Variants in SPTA1 observed in about 807,000 individuals in gnomAD.
SPTA1 encodes spectrin alpha, erythrocytic 1.
Under a neutral mutation model 324.7 loss-of-function variants are expected in SPTA1, and 177 were observed. That is an observed-to-expected ratio of 0.55 (90% confidence interval 0.48 to 0.62). SPTA1 has a LOEUF of 0.62. SPTA1 is among the 20% of genes least tolerant of loss of function. The pLI is 0.00. For synonymous variants in SPTA1, 1,195 were observed against 1,041.3 expected (o/e 1.15, Z -2.84); for missense variants, 3,162 against 2,883.6 (o/e 1.10, Z -2.21).
chr1:158,641,219 T>C lies in SPTA1; in HGVS notation c.4737+1192A>G, dbSNP rs546823244. Among the ~76,000 whole-genome samples, 36 of 152,208 alleles carry C rather than the reference T, an allele frequency of 2.4e-4. No individual in the cohort carries two copies. In the South Asian group the frequency reaches 4.6e-3, roughly 19 times the overall value. The stretch of plus-strand genomic sequence containing the variant: ...ACCATAAAAACCCTAGAAGAAAACC[T>C]AGGCAATACCATTCAGGACATAGGC... On this transcript the variant is annotated intron_variant, in intron 33 of 51. Coordinates refer to ENST00000643759, the MANE Select transcript of SPTA1 (RefSeq NM_003126.4).
intron 30 of SPTA1, among the ~76,000 whole-genome samples, chr1:158,643,770 C>T (rs1307661355): frequency 6.6e-6 from 1 of 152,126 alleles, no homozygotes; most frequent in Non-Finnish European, 1.5e-5. Context: ...AGTCTGCTTG[C>T]TGCCTGTGAC....
intron 16 of SPTA1, among the ~76,000 whole-genome samples, chr1:158,663,380 A>G (rs1417580943): frequency 6.6e-6 from 1 of 152,200 alleles, no homozygotes; most frequent in African/African-American, 2.4e-5. Context: ...AGTTTGTTGC[A>G]TAGCAGAAAC....
At chr1:158,661,218 T>G (rs759037801) in intron 18 of SPTA1, 69 bp downstream of exon 18, 498 of 1,609,520 alleles carry the variant, frequency 3.1e-4, no homozygotes, top group Non-Finnish European at 4.0e-4. Flanking sequence ...AACCCTAGGA[T>G]AGTACAAACT....
intron 39 of SPTA1, among the ~76,000 whole-genome samples, chr1:158,632,960 A>G (rs1650788378): frequency 6.6e-6 from 1 of 152,192 alleles, no homozygotes; most frequent in Admixed American, 6.5e-5. Flanking sequence ...TTCGACTGTG[A>G]TATTCTTATA....
intron 25 of SPTA1, 122 bp downstream of exon 25, chr1:158,649,734 A>T (rs1362487992): frequency 8.7e-6 from 7 of 805,298 alleles, no homozygotes; most frequent in African/African-American, 1.7e-5. Flanking sequence ...CTAATTTTCT[A>T]TTGGCACATT....
Position 158,624,404 on chromosome 1 carries a change from C to G in SPTA1, c.5911-1212G>C, listed in dbSNP as rs149351835. Among the ~76,000 whole-genome samples, 13 of 152,332 alleles carry G rather than the reference C, an allele frequency of 8.5e-5. No homozygotes were observed. The East Asian group carries it at 2.3e-3, about 27-fold the overall frequency. Reference sequence around the variant, plus strand: ...TGCCCAAGGCCATGGGAGCCCACCCCTTGCATCAGTGTGCCCTGGATGTGG... The same window carrying G: ...TGCCCAAGGCCATGGGAGCCCACCCGTTGCATCAGTGTGCCCTGGATGTGG... On this transcript the variant is annotated intron_variant, in intron 42 of 51. Transcript: ENST00000643759.
At chr1:158,633,525 G>A (rs1300132067) in intron 39 of SPTA1, among the ~76,000 whole-genome samples, 1 of 151,850 alleles carries the variant, frequency 6.6e-6, no homozygotes, top group African/African-American at 2.4e-5. Context: ...GCCTGGCGTG[G>A]TGGCAGCCGC....
At chr1:158,620,968 C>A (rs10218785) in intron 43 of SPTA1, among the ~76,000 whole-genome samples, 12 of 151,840 alleles carry the variant, frequency 7.9e-5, no homozygotes, top group African/African-American at 2.7e-4. Context: ...ACCCAGCTGA[C>A]TTCTCTTTGA....
chr1:158,628,647 T>G (rs1043759565), intron 39 of SPTA1, among the ~76,000 whole-genome samples: 1 of 152,160 alleles, frequency 6.6e-6, no homozygotes, highest in Admixed American at 6.5e-5. Flanking sequence ...AAAGCCTGAA[T>G]GAATCATATT....
rs372829978 is a variant in SPTA1, at chr1:158,674,439, A to G, written c.1249-9T>C. 4.3e-5 allele frequency: 69 copies of G among 1,613,978 alleles called. No individual in the cohort carries two copies. The African/African-American group carries it at 8.4e-4, about 20-fold the overall frequency. ...TAAGAGTCAATCTCATGCTGTGGCC[A>G]CAAAACAAAGTGTCTCAAAATGCAG... On this transcript the variant is annotated splice_polypyrimidine_tract_variant and intron_variant, in intron 9 of 51. Transcript: ENST00000643759.
intron 8 of SPTA1, among the ~76,000 whole-genome samples, chr1:158,675,291 A>C (rs1315426727): frequency 6.6e-6 from 1 of 152,192 alleles, no homozygotes; most frequent in Non-Finnish European, 1.5e-5. Context: ...TTCAGGAAAT[A>C]ATACTGAAGT....
rs1357558851 is a variant in SPTA1 at position 158,627,738 on chromosome 1, C to A, written c.5566-15G>T. On this transcript the variant is annotated splice_polypyrimidine_tract_variant and intron_variant, in intron 39 of 51. Coordinates refer to ENST00000643759, the MANE Select transcript of SPTA1 (RefSeq NM_003126.4). ...ATTAGCAAGCTCTGCATAAATAAGTCGGTGAGAATTAAGATATCCAAAGCC... is the reference window on the plus strand; with the variant it reads ...ATTAGCAAGCTCTGCATAAATAAGTAGGTGAGAATTAAGATATCCAAAGCC... 7 of 1,608,670 alleles carry A rather than the reference C, an allele frequency of 4.4e-6. No individual in the cohort carries two copies. Among genetic ancestry groups the A allele is most frequent in the South Asian group, 2.2e-5 (2 of 91,044 alleles).
chr1:158,621,015 T>G (rs1301457944), intron 43 of SPTA1, among the ~76,000 whole-genome samples: 1 of 152,154 alleles, frequency 6.6e-6, no homozygotes, highest in African/African-American at 2.4e-5. Context: ...CTTTTAAACC[T>G]TGTTCAGGCC....
At chr1:158,635,524 A>G (rs1447039883) in intron 38 of SPTA1, among the ~76,000 whole-genome samples, 2 of 152,166 alleles carry the variant, frequency 1.3e-5, no homozygotes, top group African/African-American at 2.4e-5. Context: ...ATGTGGTTCA[A>G]ATTGGCTATA....
intron 2 of SPTA1, 30 bp downstream of exon 2, chr1:158,685,078 G>T (rs199814883): frequency 1.2e-6 from 2 of 1,613,240 alleles, no homozygotes; most frequent in African/African-American, 1.3e-5. Context: ...CTTAGGGTCT[G>T]CTCTGAGGCA....
chr1:158,616,527 A>G (rs924720124), intron 47 of SPTA1, among the ~76,000 whole-genome samples: 1 of 152,112 alleles, frequency 6.6e-6, no homozygotes, highest in African/African-American at 2.4e-5. Context: ...TGCTTGGCTT[A>G]TTTCACTTAA....
At chr1:158,642,746 G>A in intron 32 of SPTA1, 68 bp downstream of exon 32, 2 of 1,610,218 alleles carry the variant, frequency 1.2e-6, no homozygotes, top group South Asian at 1.1e-5. Flanking sequence ...AAAGTATCAA[G>A]GGTGATGACT....
intron 20 of SPTA1, among the ~76,000 whole-genome samples, chr1:158,655,261 A>C (rs996276798): frequency 2.6e-5 from 4 of 152,186 alleles, no homozygotes; most frequent in African/African-American, 9.7e-5. Context: ...AGGAAAGGCC[A>C]CAGAATTTTA....
rs1255269101 is a variant in SPTA1 at position 158,653,298 on chromosome 1, T to C, written c.3164A>G (p.Gln1055Arg). 2 of 1,614,140 alleles carry C rather than the reference T, an allele frequency of 1.2e-6. No individual in the cohort carries two copies. The highest frequency in any genetic ancestry group is 1.1e-5 in the South Asian group (1 of 91,076). ...RRREEPGNIT[Q>R]RQEQIENQYR... is the part of the protein sequence containing the mutation. ...CTGGTTCTCAATCTGCTCCTGGCGCTGGGTGATGTTTCCTGGCTCTTCTCG... is the reference window on the plus strand; with the variant it reads ...CTGGTTCTCAATCTGCTCCTGGCGCCGGGTGATGTTTCCTGGCTCTTCTCG... Residue 1055 changes from glutamine to arginine, a missense_variant, in exon 22 of 52, where the codon CAG becomes CGG. Coordinates refer to ENST00000643759, the MANE Select transcript of SPTA1 (RefSeq NM_003126.4).
Sources: gnomAD v4.1 joint callset for allele counts (sites outside exome capture counted in the v4.1 genomes callset) on GRCh38, gnomAD v4.1.1 for gene constraint, MANE v1.5 for transcripts, NCBI Gene and HGNC (gene_info 2026-07-23, HGNC 2026-07-21) for gene names.